The following SLC38A1 variants were observed in gnomAD, a reference collection of about 807,000 sequenced individuals.
SLC38A1 encodes the protein solute carrier family 38 member 1.
SLC38A1 carries 18 observed loss-of-function variants against 60.3 expected under a neutral mutation model. That is an observed-to-expected ratio of 0.30 (90% confidence interval 0.21 to 0.44). The LOEUF is 0.44. SLC38A1 is among the 20% of genes least tolerant of loss of function. SLC38A1 has a pLI of 1.00. For missense variants in SLC38A1, 448 were observed against 587.2 expected, an observed-to-expected ratio of 0.76 and a Z score of 2.45; for synonymous variants, 196 against 212.1, an observed-to-expected ratio of 0.92 and a Z score of 0.66.
At chr12:46,193,896 T>C (rs1249506308) in intron 16 of SLC38A1, among the ~76,000 whole-genome samples, 1 of 152,206 alleles carries the variant, frequency 6.6e-6, no homozygotes, top group Admixed American at 6.5e-5. Context: ...AAATTTGCCT[T>C]TCTCTGTCTT....
At chr12:46,256,243 A>C (rs1942018751) in intron 1 of SLC38A1, among the ~76,000 whole-genome samples, 1 of 151,806 alleles carries the variant, frequency 6.6e-6, no homozygotes, top group African/African-American at 2.4e-5. Context: ...TCTGACCTGC[A>C]TAATTTAGAC....
At chr12:46,198,281 G>T (rs973927060) in intron 14 of SLC38A1, among the ~76,000 whole-genome samples, 1 of 151,642 alleles carries the variant, frequency 6.6e-6, no homozygotes, top group Non-Finnish European at 1.5e-5. Context: ...GTTGGGGGGT[G>T]TAATTTCTGT....
intron 5 of SLC38A1, among the ~76,000 whole-genome samples, chr12:46,211,052 G>A (rs1308229645): frequency 1.3e-5 from 2 of 152,112 alleles, no homozygotes; most frequent in Admixed American, 1.3e-4. Flanking sequence ...GGACCTAATT[G>A]TGGCATGATT....
At chr12:46,219,788 A>C (rs2137598585) in intron 5 of SLC38A1, among the ~76,000 whole-genome samples, 1 of 152,340 alleles carries the variant, frequency 6.6e-6, no homozygotes, top group East Asian at 1.9e-4. Flanking sequence ...ATGCTGTAAA[A>C]CCATAGCCAG....
At chr12:46,221,025 G>A (rs989173182) in intron 5 of SLC38A1, among the ~76,000 whole-genome samples, 1 of 152,064 alleles carries the variant, frequency 6.6e-6, no homozygotes, top group Non-Finnish European at 1.5e-5. Flanking sequence ...AAAGAGAGAA[G>A]GGACCTGGTA....
intron 1 of SLC38A1, among the ~76,000 whole-genome samples, chr12:46,250,415 T>C (rs1046673995): frequency 1.5e-4 from 23 of 152,210 alleles, no homozygotes; most frequent in African/African-American, 5.5e-4. Flanking sequence ...GCATTCCCTT[T>C]GAAAACTGGC....
chr12:46,219,562 T>C (rs958048085), intron 5 of SLC38A1, among the ~76,000 whole-genome samples: 1 of 152,206 alleles, frequency 6.6e-6, no homozygotes, highest in Non-Finnish European at 1.5e-5. Context: ...GTAAAGTCTG[T>C]GGCCAGAGAA....
At chr12:46,266,142 A>G (rs961162439) in intron 1 of SLC38A1, among the ~76,000 whole-genome samples, 1 of 152,190 alleles carries the variant, frequency 6.6e-6, no homozygotes, top group Non-Finnish European at 1.5e-5. Context: ...AGATGGCCTG[A>G]TCAAGGTCTC....
At chr12:46,195,777 C>T (rs925123744) in intron 16 of SLC38A1, 2 of 217,578 alleles carry the variant, frequency 9.2e-6, no homozygotes, top group Admixed American at 5.0e-5. Flanking sequence ...GAGGGTATTA[C>T]CTGGTCTGCC....
chr12:46,257,692 C>A (rs111655817), intron 1 of SLC38A1, among the ~76,000 whole-genome samples: 1 of 152,124 alleles, frequency 6.6e-6, no homozygotes, highest in African/African-American at 2.4e-5. Flanking sequence ...GTCACAGGAC[C>A]CCACCACTTA....
chr12:46,261,001 T>G lies in SLC38A1; in HGVS notation c.-209+7525A>C, dbSNP rs559001343. Among the ~76,000 whole-genome samples the G allele has an allele frequency of 2.0e-5, 3 of 152,322 alleles. No individual in the cohort carries two copies. The South Asian group carries it at 6.2e-4, about 32-fold the overall frequency. On this transcript the variant is annotated intron_variant, in intron 1 of 16. Transcript: ENST00000398637. ...CTCTAGAACCTCAGACAGCTTTCTCTTTAATTTATGCTCCCACTATATTCC... is the reference window on the plus strand; with the variant it reads ...CTCTAGAACCTCAGACAGCTTTCTCGTTAATTTATGCTCCCACTATATTCC...
intron 2 of SLC38A1, among the ~76,000 whole-genome samples, chr12:46,241,610 A>C (rs1002958968): frequency 6.6e-6 from 1 of 152,164 alleles, no homozygotes; most frequent in African/African-American, 2.4e-5. Flanking sequence ...CTCTAACCAC[A>C]GTGGTGGTGC....
In SLC38A1 at chr12:46,184,315, A is replaced by G. The variant is rs1476603993; in HGVS notation, c.*4655T>C. The stretch of plus-strand genomic sequence containing the variant: ...TATGTCCTGTTGCTAAAGGATTCTC[A>G]AACCTGCCATCCCCAAGGAAAATCA... On this transcript the variant is annotated 3_prime_UTR_variant, in exon 17 of 17. Transcript: ENST00000398637. 6.6e-6 allele frequency: 1 copy of G among 152,200 alleles called. No individual in the cohort carries two copies. The highest frequency in any genetic ancestry group is 1.5e-5 in the Non-Finnish European group (1 of 68,030). The allele number at this position is 152,200 out of a possible 1,614,324, so 9.4% of individuals were successfully genotyped here. A position where few individuals can be genotyped will look rare whatever the true frequency, so the allele number is the denominator to read the frequency against.
chr12:46,213,883 G>A (rs1327833056), intron 5 of SLC38A1, among the ~76,000 whole-genome samples: 2 of 152,198 alleles, frequency 1.3e-5, no homozygotes, highest in Admixed American at 6.5e-5. Context: ...ACATAACAGA[G>A]TCTTCGCTGA....
intron 1 of SLC38A1, among the ~76,000 whole-genome samples, chr12:46,256,551 G>C (rs947722177): frequency 6.6e-6 from 1 of 151,640 alleles, no homozygotes; most frequent in South Asian, 2.1e-4. Flanking sequence ...GTGGTTGCAA[G>C]GTCAAGCTCC....
At position 46,203,105 on chromosome 12, in the gene SLC38A1, GA is replaced by G; in HGVS notation, c.823-17del. ...CATACACGGTCTATTTGAGAGAAAA[GA>G]ATAGACATTAGGAAAAACACTTTTA... On this transcript the variant is annotated splice_polypyrimidine_tract_variant and intron_variant, in intron 11 of 16. Coordinates refer to ENST00000398637, the MANE Select transcript of SLC38A1 (RefSeq NM_030674.4). 1.9e-6 allele frequency: 3 copies of G among 1,603,632 alleles called. No individual in the cohort carries two copies. The highest frequency in any genetic ancestry group is 2.6e-6 in the Non-Finnish European group (3 of 1,172,542).
chr12:46,205,987 G>A (rs1055478955), intron 9 of SLC38A1, 93 bp downstream of exon 9: 5 of 704,350 alleles, frequency 7.1e-6, no homozygotes, highest in African/African-American at 1.8e-5. Flanking sequence ...AGTGCATGCA[G>A]AGGGGAAGCA....
intron 1 of SLC38A1, among the ~76,000 whole-genome samples, chr12:46,266,966 C>T (rs1475495874): frequency 6.6e-6 from 1 of 152,112 alleles, no homozygotes; most frequent in South Asian, 2.1e-4. Flanking sequence ...TGCAAGATTT[C>T]GGGAGTACCA....
chr12:46,251,304 G>C (rs189477003), intron 1 of SLC38A1, among the ~76,000 whole-genome samples: 12 of 152,306 alleles, frequency 7.9e-5, no homozygotes, highest in Non-Finnish European at 1.5e-5. Context: ...GTAGAAAGCT[G>C]AAACTGGATC....
Sources: allele counts gnomAD v4.1 joint callset (sites outside exome capture counted in the v4.1 genomes callset), GRCh38; gene constraint gnomAD v4.1.1; transcripts MANE v1.5; gene names NCBI Gene and HGNC (gene_info 2026-07-23, HGNC 2026-07-21).